Variants in PARD3 observed in about 807,000 individuals in gnomAD.
PARD3 encodes partitioning defective 3 homolog.
In PARD3, 75 loss-of-function variants were observed where a neutral mutation model predicts 155.4. The ratio of observed to expected loss-of-function variants is 0.48; its 90% CI spans 0.40 to 0.58. The LOEUF (loss-of-function observed/expected upper bound fraction) is 0.58. Ranked by LOEUF, PARD3 falls within the 20% of genes least tolerant of loss-of-function variation. The probability of loss-of-function intolerance (pLI) is 0.00; values close to 1 mark genes in which losing one functional copy is unlikely to be tolerated. For synonymous variants in PARD3, 576 were observed against 610.5 expected, an observed-to-expected ratio of 0.94 and a Z score of 0.83; for missense variants, 1,642 against 1,721.7, an observed-to-expected ratio of 0.95 and a Z score of 0.82.
At chr10:34,194,890 C>G (rs780640402) in intron 22 of PARD3, among the ~76,000 whole-genome samples, 1 of 152,096 alleles carries the variant, frequency 6.6e-6, no homozygotes, top group Non-Finnish European at 1.5e-5. Flanking sequence ...CATGTATTAG[C>G]AAAAGTAAAA....
At chr10:34,340,607 C>A (rs945036967) in intron 16 of PARD3, among the ~76,000 whole-genome samples, 1 of 152,012 alleles carries the variant, frequency 6.6e-6, no homozygotes, top group Admixed American at 6.5e-5. Flanking sequence ...GTGATTTATT[C>A]CAAGAGAACA....
chr10:34,198,490 G>A (rs1415655470), intron 22 of PARD3, among the ~76,000 whole-genome samples: 1 of 150,244 alleles, frequency 6.7e-6, no homozygotes, highest in Non-Finnish European at 1.5e-5. Context: ...GTGTGTGTAT[G>A]TGTGTGTGTG....
intron 5 of PARD3, among the ~76,000 whole-genome samples, chr10:34,441,480 A>C (rs945350861): frequency 3.3e-5 from 5 of 152,158 alleles, no homozygotes; most frequent in Admixed American, 6.5e-5. Flanking sequence ...AACAGGACAC[A>C]CTCATTGGAG....
At chr10:34,581,194 T>A (rs527852767) in intron 2 of PARD3, among the ~76,000 whole-genome samples, 1 of 151,814 alleles carries the variant, frequency 6.6e-6, no homozygotes, top group East Asian at 1.9e-4. Flanking sequence ...TTGGGAAATT[T>A]GTTCTAGAAA....
chr10:34,720,128 C>T (rs1349530111), intron 1 of PARD3, among the ~76,000 whole-genome samples: 2 of 152,200 alleles, frequency 1.3e-5, no homozygotes, highest in Non-Finnish European at 2.9e-5. Context: ...GTTTGTTTTG[C>T]TTTTTTACTT....
At chr10:34,486,518 G>A (rs1180785765) in intron 3 of PARD3, among the ~76,000 whole-genome samples, 1 of 152,194 alleles carries the variant, frequency 6.6e-6, no homozygotes, top group Non-Finnish European at 1.5e-5. Flanking sequence ...AAATTCAAGA[G>A]AATTAAAGAA....
intron 2 of PARD3, among the ~76,000 whole-genome samples, chr10:34,595,818 A>G (rs1237335779): frequency 6.6e-6 from 1 of 151,986 alleles, no homozygotes; most frequent in Non-Finnish European, 1.5e-5. Context: ...CTTTTTTCCT[A>G]TTCTGCCTCA....
chr10:34,278,663 G>A (rs753221207), intron 21 of PARD3, among the ~76,000 whole-genome samples: 15 of 152,126 alleles, frequency 9.9e-5, no homozygotes, highest in Admixed American at 3.3e-4. Flanking sequence ...GAAGAAGGAC[G>A]TGTTTGCTTC....
intron 3 of PARD3, among the ~76,000 whole-genome samples, chr10:34,487,108 T>C (rs1285860443): frequency 1.3e-5 from 2 of 152,108 alleles, no homozygotes; most frequent in African/African-American, 2.4e-5. Flanking sequence ...ACAATGTCTC[T>C]GCACCCTTAC....
chr10:34,557,245 G>A (rs74928532), intron 2 of PARD3, among the ~76,000 whole-genome samples: 2 of 152,126 alleles, frequency 1.3e-5, no homozygotes, highest in African/African-American at 2.4e-5. Flanking sequence ...CCAACCAAGC[G>A]ACTTGACAAG....
intron 1 of PARD3, among the ~76,000 whole-genome samples, chr10:34,802,460 A>T (rs1842912161): frequency 6.6e-6 from 1 of 152,196 alleles, no homozygotes; most frequent in African/African-American, 2.4e-5. Flanking sequence ...TGAAAGGGGC[A>T]TTGTCTACAG....
At chr10:34,703,231 C>A (rs1590730606) in intron 1 of PARD3, among the ~76,000 whole-genome samples, 1 of 150,492 alleles carries the variant, frequency 6.6e-6, no homozygotes, top group South Asian at 2.1e-4. Context: ...AAAAAAAAAA[C>A]CATAAAAATA....
intron 12 of PARD3, among the ~76,000 whole-genome samples, chr10:34,371,717 T>G (rs927710742): frequency 3.9e-5 from 6 of 152,024 alleles, no homozygotes; most frequent in Non-Finnish European, 2.9e-5. Flanking sequence ...TTGCTAAATT[T>G]TCCATTTACG....
Position 34,370,807 on chromosome 10 carries a change from GGTGTGTGTGTGTGT to G in PARD3, c.1707+1677_1707+1690del, listed in dbSNP as rs3040369. On this transcript the variant is annotated intron_variant, in intron 12 of 24. Transcript: ENST00000374788. ...TATTTCATGGTACAGATACAAATGG[GGTGTGTGTGTGTGT>G]GTGTGTGTGTGTGTGTGTGTGTGTG... Among the ~76,000 whole-genome samples, 13 of 145,670 alleles carry G rather than the reference GGTGTGTGTGTGTGT, an allele frequency of 8.9e-5. 1 individual carries two copies. Among genetic ancestry groups the G allele is most frequent in the South Asian group, 4.6e-4 (2 of 4,314 alleles).
At chr10:34,387,689 T>A (rs977424929) in intron 7 of PARD3, among the ~76,000 whole-genome samples, 1 of 152,232 alleles carries the variant, frequency 6.6e-6, no homozygotes, top group South Asian at 2.1e-4. Context: ...CTTGAGCCAC[T>A]GTGCCAGCTG....
chr10:34,432,332 GCACATA>G (rs752821928), intron 5 of PARD3, among the ~76,000 whole-genome samples: 1 of 70,854 alleles, frequency 1.4e-5, no homozygotes, highest in Non-Finnish European at 2.7e-5. Context: ...ATATACACGT[GCACATA>G]CACACACACA....
intron 3 of PARD3, among the ~76,000 whole-genome samples, chr10:34,480,273 G>C (rs2078990019): frequency 6.6e-6 from 1 of 152,208 alleles, no homozygotes; most frequent in Non-Finnish European, 1.5e-5. Context: ...GTCTTGCTCT[G>C]TCACCCAGGC....
chr10:34,346,256 A>T (rs1837413299), intron 15 of PARD3: 1 of 1,155,806 alleles, frequency 8.7e-7, no homozygotes, highest in African/African-American at 1.6e-5. Flanking sequence ...ACAGACTAGG[A>T]AGAAAATGAA....
intron 2 of PARD3, among the ~76,000 whole-genome samples, chr10:34,622,523 C>T (rs995168032): frequency 3.9e-5 from 6 of 152,104 alleles, no homozygotes; most frequent in Non-Finnish European, 5.9e-5. Flanking sequence ...GAAGTTATTC[C>T]CTCCTTGATG....
Sources: allele counts gnomAD v4.1 joint callset (sites outside exome capture counted in the v4.1 genomes callset), GRCh38; gene constraint gnomAD v4.1.1; transcripts MANE v1.5; gene names NCBI Gene and HGNC (gene_info 2026-07-23, HGNC 2026-07-21).